The following LARGE1 variants were observed in gnomAD, a reference collection of about 807,000 sequenced individuals.
LARGE1 encodes the protein xylosyl- and glucuronyltransferase LARGE1.
A neutral mutation model predicts 87.6 loss-of-function variants in LARGE1; 43 were observed. The observed-to-expected ratio is 0.49, with a 90% CI of 0.38 to 0.63. The LOEUF (loss-of-function observed/expected upper bound fraction) is 0.63, where lower values mean the gene tolerates loss of function less well. Among genes scored for constraint, LARGE1 ranks in the 30% least tolerant of loss-of-function variants. LARGE1 has a pLI of 0.00. For missense variants in LARGE1, 802 were observed against 1,000.2 expected, an observed-to-expected ratio of 0.80 and a Z score of 2.67; for synonymous variants, 434 against 394.6, an observed-to-expected ratio of 1.10 and a Z score of -1.18.
intron 6 of LARGE1, among the ~76,000 whole-genome samples, chr22:33,459,546 C>T (rs1039557042): frequency 2.0e-5 from 3 of 151,772 alleles, no homozygotes; most frequent in African/African-American, 7.3e-5. Context: ...TAGAATCCTC[C>T]CTGCTACATT....
intron 6 of LARGE1, among the ~76,000 whole-genome samples, chr22:33,470,306 A>G (rs1027766855): frequency 6.6e-6 from 1 of 152,158 alleles, no homozygotes; most frequent in Non-Finnish European, 1.5e-5. Flanking sequence ...AAAGTTAAAT[A>G]CATCATGGCA....
the LARGE1 span, among the ~76,000 whole-genome samples, chr22:33,130,178 G>A: frequency 6.6e-6 from 1 of 151,368 alleles, no homozygotes; most frequent in Non-Finnish European, 1.5e-5. Context: ...GCCGGGCGTG[G>A]TGGTGGGCGC....
rs185950094 is a variant in LARGE1 at position 33,550,988 on chromosome 22, C to T, written c.787+13860G>A. 2.5e-3 allele frequency among the ~76,000 whole-genome samples: 380 copies of T among 152,000 alleles called. 1 individual carries two copies. Among genetic ancestry groups the T allele is most frequent in the African/African-American group, 8.9e-3 (367 of 41,454 alleles). ...ACATGCTCTCATTTATAAATGGGAG[C>T]TAAAAAATGTGTACACATGGATGTA... On this transcript the variant is annotated intron_variant, in intron 6 of 14. Coordinates refer to ENST00000397394, the MANE Select transcript of LARGE1 (RefSeq NM_133642.5).
chr22:33,871,982 C>CAAAAAAAAAAAAAAACAAAAAAA, intron 1 of LARGE1, among the ~76,000 whole-genome samples: 1 of 86,808 alleles, frequency 1.2e-5, no homozygotes, highest in Non-Finnish European at 2.4e-5. Context: ...TCTAAATCAG[C>CAAAAAAAAAAAAAAACAAAAAAA]AAAAAAAAAA....
intron 3 of LARGE1, among the ~76,000 whole-genome samples, chr22:33,632,189 C>G (rs769447269): frequency 6.6e-6 from 1 of 152,164 alleles, no homozygotes; most frequent in Non-Finnish European, 1.5e-5. Context: ...GTGGTATGAT[C>G]TCAGCTCTCT....
Position 33,592,376 on chromosome 22 carries a change from A to G in LARGE1, c.615+12059T>C, listed in dbSNP as rs185027867. On this transcript the variant is annotated intron_variant, in intron 5 of 14. Coordinates refer to ENST00000397394, the MANE Select transcript of LARGE1 (RefSeq NM_133642.5). Reference sequence around the variant, plus strand: ...CTTAGGCTTTATTTCATTTGAAATAATCATCACTAATAAATTAGATCTAAT... The same window carrying G: ...CTTAGGCTTTATTTCATTTGAAATAGTCATCACTAATAAATTAGATCTAAT... Among the ~76,000 whole-genome samples the G allele has an allele frequency of 3.2e-3, 485 of 152,210 alleles. 2 individuals are homozygous for G. Among genetic ancestry groups the G allele is most frequent in the African/African-American group, 0.011 (461 of 41,532 alleles).
chr22:33,502,695 A>G lies in LARGE1; in HGVS notation c.787+62153T>C, dbSNP rs148955273. 8.8e-3 allele frequency among the ~76,000 whole-genome samples: 1,333 copies of G among 152,094 alleles called. 13 individuals are homozygous for G. The highest frequency in any genetic ancestry group is 0.03 in the African/African-American group (1,238 of 41,506). ...GCCATCCTCCTACCTCAGCCTCCCAAGTAGCTGGGACTACAGGCGCCTGCC... is the reference window on the plus strand; with the variant it reads ...GCCATCCTCCTACCTCAGCCTCCCAGGTAGCTGGGACTACAGGCGCCTGCC... On this transcript the variant is annotated intron_variant, in intron 6 of 14. Transcript: ENST00000397394.
the LARGE1 span, among the ~76,000 whole-genome samples, chr22:33,120,172 CTA>C: frequency 6.6e-6 from 1 of 151,976 alleles, no homozygotes; most frequent in South Asian, 2.1e-4. Context: ...TCTCTTAAGT[CTA>C]TATATATGTA....
chr22:33,738,700 C>A (rs2083753393), intron 2 of LARGE1, among the ~76,000 whole-genome samples: 1 of 152,050 alleles, frequency 6.6e-6, no homozygotes, highest in South Asian at 2.1e-4. Flanking sequence ...AAAAAATTAG[C>A]CAGGTGCAGT....
chr22:33,247,724 C>A (rs1193774263), intron 11 of LARGE1, among the ~76,000 whole-genome samples: 25 of 152,180 alleles, frequency 1.6e-4, no homozygotes, highest in Admixed American at 1.6e-3. Context: ...GAATGGGAAT[C>A]TTCCAATATT....
chr22:33,883,605 C>T lies in LARGE1; in HGVS notation c.-83+36390G>A, dbSNP rs146798270. Among the ~76,000 whole-genome samples, 1,150 of 152,374 alleles carry T rather than the reference C, an allele frequency of 7.5e-3. 7 individuals carry two copies. The highest frequency in any genetic ancestry group is 0.012 in the Non-Finnish European group (827 of 68,042). ...CAATTGGGTTCCTCTCTGTCATCCT[C>T]TCCCAATACTTTCCTAGGGGCTTGC... On this transcript the variant is annotated intron_variant, in intron 1 of 14. Transcript: ENST00000397394.
chr22:33,870,792 T>G (rs1439461616), intron 1 of LARGE1, among the ~76,000 whole-genome samples: 4 of 152,178 alleles, frequency 2.6e-5, no homozygotes, highest in African/African-American at 9.7e-5. Context: ...TGTCTTGAAC[T>G]CCTGACCTCA....
At chr22:33,677,677 C>T (rs966823740) in intron 2 of LARGE1, among the ~76,000 whole-genome samples, 1 of 152,086 alleles carries the variant, frequency 6.6e-6, no homozygotes, top group African/African-American at 2.4e-5. Flanking sequence ...TTCTTTTGCC[C>T]AAGGGTGCCT....
the LARGE1 span, among the ~76,000 whole-genome samples, chr22:33,130,036 C>T: frequency 6.6e-6 from 1 of 152,092 alleles, no homozygotes; most frequent in African/African-American, 2.4e-5. Context: ...ATTTTAGGGC[C>T]AGGTACAGTG....
chr22:33,805,757 A>G (rs5999107), intron 1 of LARGE1, among the ~76,000 whole-genome samples: 20 of 95,110 alleles, frequency 2.1e-4, no homozygotes, highest in South Asian at 1.1e-3. Context: ...ATAAGTAAAT[A>G]AATGAATAAA....
At chr22:33,257,682 G>A (rs565841595) in intron 11 of LARGE1, among the ~76,000 whole-genome samples, 4 of 152,274 alleles carry the variant, frequency 2.6e-5, no homozygotes, top group South Asian at 2.1e-4. Context: ...TGTTAGGGAC[G>A]AGGAAGAGGA....
rs917014728 is a variant in LARGE1 at position 33,181,063 on chromosome 22, G to T, written c.1731-14231C>A. ...ACACTTGAAAGTGGGTAAATTATAA[G>T]GTTTATTAATTATATCTCAGTAAAG... On this transcript the variant is annotated intron_variant, in intron 11 of 11. Transcript: ENST00000608642. 3.3e-5 allele frequency among the ~76,000 whole-genome samples: 5 copies of T among 152,024 alleles called. No individual in the cohort carries two copies. In the East Asian group the frequency reaches 9.6e-4, roughly 29 times the overall value.
chr22:33,870,549 ACTGT>A (rs1275853173), intron 1 of LARGE1, among the ~76,000 whole-genome samples: 1 of 114,532 alleles, frequency 8.7e-6, no homozygotes, highest in Admixed American at 9.5e-5. Context: ...CATCCCCATG[ACTGT>A]CTGTGTTGTT....
At chr22:33,470,339 C>T (rs535287567) in intron 6 of LARGE1, among the ~76,000 whole-genome samples, 1 of 152,288 alleles carries the variant, frequency 6.6e-6, no homozygotes, top group South Asian at 2.1e-4. Flanking sequence ...TCTAAAAAGG[C>T]AGACAAGCCC....
Sources: gnomAD v4.1 joint callset for allele counts (sites outside exome capture counted in the v4.1 genomes callset) on GRCh38, gnomAD v4.1.1 for gene constraint, MANE v1.5 for transcripts, NCBI Gene and HGNC (gene_info 2026-07-23, HGNC 2026-07-21) for gene names.